ERC2: variants seen among roughly 807,000 people sequenced by gnomAD.
ERC2 encodes the protein ERC protein 2.
In ERC2, 42 loss-of-function variants were observed where a neutral mutation model predicts 114.8. That is an observed-to-expected ratio of 0.37 (90% CI 0.29 to 0.47). ERC2 has a LOEUF of 0.47. Ranked by LOEUF, ERC2 falls within the 20% of genes least tolerant of loss-of-function variation. ERC2 has a pLI of 0.99. For synonymous variants in ERC2, 454 were observed against 425.5 expected, an observed-to-expected ratio of 1.07 and a Z score of -0.82; for missense variants, 939 against 1,150.7, an observed-to-expected ratio of 0.82 and a Z score of 2.66.
intron 14 of ERC2, among the ~76,000 whole-genome samples, chr3:55,777,761 A>G (rs1035441777): frequency 1.7e-4 from 26 of 152,248 alleles, no homozygotes; most frequent in African/African-American, 6.3e-4. Flanking sequence ...ATACACTTTT[A>G]CCCCTAATCC....
intron 14 of ERC2, among the ~76,000 whole-genome samples, chr3:55,753,180 AATT>A (rs1165715837): frequency 6.6e-6 from 1 of 152,158 alleles, no homozygotes; most frequent in Non-Finnish European, 1.5e-5. Context: ...GTGATTTCTC[AATT>A]CCAGTGAGAA....
At chr3:55,816,780 A>C (rs1338708388) in intron 14 of ERC2, among the ~76,000 whole-genome samples, 1 of 152,102 alleles carries the variant, frequency 6.6e-6, no homozygotes, top group Non-Finnish European at 1.5e-5. Context: ...AACAAAAAAA[A>C]ACGAAAAACA....
chr3:56,033,506 G>A (rs2074606046), intron 7 of ERC2, among the ~76,000 whole-genome samples: 2 of 152,120 alleles, frequency 1.3e-5, no homozygotes, highest in Non-Finnish European at 2.9e-5. Flanking sequence ...TAGTGGTGAC[G>A]AGCTTCTTTC....
At chr3:56,348,502 T>C (rs912476935) in intron 2 of ERC2, among the ~76,000 whole-genome samples, 27 of 144,340 alleles carry the variant, frequency 1.9e-4, no homozygotes, top group African/African-American at 6.4e-4. Context: ...TAAATATATA[T>C]AAATTAATTT....
chr3:56,062,529 C>CA (rs1217893378), intron 7 of ERC2, among the ~76,000 whole-genome samples: 2 of 152,140 alleles, frequency 1.3e-5, no homozygotes, highest in Non-Finnish European at 2.9e-5. Context: ...ATGCTGATTA[C>CA]AAAAAATAAT....
At chr3:55,983,780 C>A (rs1359529129) in intron 12 of ERC2, among the ~76,000 whole-genome samples, 1 of 152,138 alleles carries the variant, frequency 6.6e-6, no homozygotes, top group East Asian at 1.9e-4. Flanking sequence ...TACACATACA[C>A]ACATATATAT....
chr3:56,383,253 C>A (rs2059817630), intron 2 of ERC2, among the ~76,000 whole-genome samples: 1 of 152,090 alleles, frequency 6.6e-6, no homozygotes, highest in African/African-American at 2.4e-5. Context: ...TAAAACATCC[C>A]ATCGCCCTTC....
At chr3:56,234,625 T>C (rs987449397) in intron 3 of ERC2, among the ~76,000 whole-genome samples, 7 of 152,198 alleles carry the variant, frequency 4.6e-5, no homozygotes, top group Non-Finnish European at 8.8e-5. Flanking sequence ...CTGGGTAATT[T>C]ATAATGAACA....
intron 3 of ERC2, among the ~76,000 whole-genome samples, chr3:56,182,487 A>C (rs1039027501): frequency 9.9e-5 from 15 of 152,266 alleles, no homozygotes; most frequent in Admixed American, 7.9e-4. Context: ...AGTTACTTAC[A>C]CATTGCTATG....
intron 3 of ERC2, among the ~76,000 whole-genome samples, chr3:56,285,024 CACACACAT>C (rs1245381523): frequency 4.8e-4 from 58 of 120,856 alleles, no homozygotes; most frequent in African/African-American, 1.6e-3. Context: ...CACACACACA[CACACACAT>C]ACACACACAC....
At chr3:55,513,638 A>T (rs555982539) in intron 17 of ERC2, among the ~76,000 whole-genome samples, 1 of 151,854 alleles carries the variant, frequency 6.6e-6, no homozygotes, top group African/African-American at 2.4e-5. Flanking sequence ...ATATATATAC[A>T]TATCTTTTAT....
At chr3:55,917,463 T>C (rs1216454761) in intron 13 of ERC2, among the ~76,000 whole-genome samples, 2 of 152,106 alleles carry the variant, frequency 1.3e-5, no homozygotes, top group African/African-American at 4.8e-5. Context: ...CTTGAAAACA[T>C]TATCCTAAGA....
intron 3 of ERC2, among the ~76,000 whole-genome samples, chr3:56,199,379 A>G (rs1014311430): frequency 6.6e-6 from 1 of 152,104 alleles, no homozygotes; most frequent in Non-Finnish European, 1.5e-5. Context: ...TGAAAAACTG[A>G]CAGGTAAGTG....
chr3:56,239,926 C>T (rs1317961584), intron 3 of ERC2, among the ~76,000 whole-genome samples: 1 of 152,190 alleles, frequency 6.6e-6, no homozygotes, highest in Admixed American at 6.5e-5. Flanking sequence ...TAGAGTTACA[C>T]AATATTTGAG....
intron 14 of ERC2, among the ~76,000 whole-genome samples, chr3:55,746,421 A>G (rs1364591196): frequency 6.6e-6 from 1 of 152,060 alleles, no homozygotes; most frequent in African/African-American, 2.4e-5. Flanking sequence ...TTTAGTAGAG[A>G]CGGGGTTTCA....
At chr3:56,271,335 G>T (rs2053641534) in intron 3 of ERC2, among the ~76,000 whole-genome samples, 1 of 152,196 alleles carries the variant, frequency 6.6e-6, no homozygotes, top group Non-Finnish European at 1.5e-5. Flanking sequence ...GCAGCACCTG[G>T]AGATATGGTT....
At chr3:55,907,292 G>A (rs900663218) in intron 13 of ERC2, among the ~76,000 whole-genome samples, 6 of 152,164 alleles carry the variant, frequency 3.9e-5, no homozygotes, top group South Asian at 2.1e-4. Context: ...TTCAAATCCC[G>A]GCCACTTGCT....
intron 14 of ERC2, among the ~76,000 whole-genome samples, chr3:55,808,010 C>T (rs1004996201): frequency 6.6e-6 from 1 of 152,162 alleles, no homozygotes; most frequent in Non-Finnish European, 1.5e-5. Context: ...GCACTCATTC[C>T]CCATCCAGCT....
intron 3 of ERC2, among the ~76,000 whole-genome samples, chr3:56,191,187 C>T (rs2083974454): frequency 6.6e-6 from 1 of 152,060 alleles, no homozygotes; most frequent in Non-Finnish European, 1.5e-5. Context: ...AGGCTGGTAG[C>T]CAGAGGTAGG....
Sources: gnomAD v4.1 joint callset for allele counts (sites outside exome capture counted in the v4.1 genomes callset) on GRCh38, gnomAD v4.1.1 for gene constraint, MANE v1.5 for transcripts, NCBI Gene and HGNC (gene_info 2026-07-23, HGNC 2026-07-21) for gene names.